SLC33A1: variants seen among roughly 807,000 people sequenced by gnomAD.
The protein encoded by SLC33A1 is acetyl-coenzyme A transporter 1.
Under a neutral mutation model 50.0 loss-of-function variants are expected in SLC33A1, and 20 were observed. The ratio of observed to expected loss-of-function variants is 0.40; its 90% CI spans 0.28 to 0.58. The LOEUF is 0.58. Ranked by LOEUF, SLC33A1 falls within the 20% of genes least tolerant of loss-of-function variation. SLC33A1 has a pLI of 0.44. For synonymous variants in SLC33A1, 265 were observed against 251.8 expected (o/e 1.05, Z -0.50); for missense variants, 476 against 657.0 (o/e 0.72, Z 3.01).
At chr3:155,831,712 A>C (rs1295901530) in intron 4 of SLC33A1, among the ~76,000 whole-genome samples, 1 of 152,112 alleles carries the variant, frequency 6.6e-6, no homozygotes, top group Admixed American at 6.6e-5. Flanking sequence ...TTGACTAGTT[A>C]AAGTATTTCT....
At chr3:155,830,255 C>A (rs918432313) in intron 4 of SLC33A1, among the ~76,000 whole-genome samples, 8 of 151,592 alleles carry the variant, frequency 5.3e-5, no homozygotes, top group African/African-American at 1.9e-4. Flanking sequence ...CGCCTGTAGT[C>A]CCAGCTACTT....
rs934692229 is a variant in SLC33A1, at chr3:155,821,762, G to A, written c.*6448C>T. ...ATTACAGACGTGAGCCACTGGACCC[G>A]GCCGCATTTTTTTTTTTTTTTTTTA... On this transcript the variant is annotated 3_prime_UTR_variant, in exon 6 of 6. Coordinates refer to ENST00000643144, the MANE Select transcript of SLC33A1 (RefSeq NM_004733.4). 2 of 138,894 alleles carry A rather than the reference G, an allele frequency of 1.4e-5. No homozygotes were observed. The highest frequency in any genetic ancestry group is 3.2e-5 in the African/African-American group (1 of 31,038). The allele number at this position is 138,894 out of a possible 1,614,324, so 8.6% of individuals were successfully genotyped here. A position where few individuals can be genotyped will look rare whatever the true frequency, so the allele number is the denominator to read the frequency against.
chr3:155,840,812 C>T (rs1752905036), intron 2 of SLC33A1, among the ~76,000 whole-genome samples: 1 of 151,822 alleles, frequency 6.6e-6, no homozygotes, highest in East Asian at 1.9e-4. Flanking sequence ...GAAACTCCAT[C>T]TCAAAATAAA....
chr3:155,845,018 T>C (rs1443361336), intron 1 of SLC33A1: 2 of 152,208 alleles, frequency 1.3e-5, no homozygotes, highest in African/African-American at 4.8e-5. Flanking sequence ...CGTACAATAC[T>C]ATTCTCATTG....
chr3:155,823,186 C>T lies in SLC33A1; in HGVS notation c.*5024G>A, dbSNP rs942555800. 1 of 152,202 alleles carries T rather than the reference C, an allele frequency of 6.6e-6. No individual in the cohort carries two copies. Among genetic ancestry groups the T allele is most frequent in the African/African-American group, 2.4e-5 (1 of 41,450 alleles). The allele number at this position is 152,202 out of a possible 1,614,324, so 9.4% of individuals were successfully genotyped here. A position where few individuals can be genotyped will look rare whatever the true frequency, so the allele number is the denominator to read the frequency against. ...TAGTCTGCCCTGCTATAAGACCTGC[C>T]TCTTCCAAAACAGAATTCCAATAAG... On this transcript the variant is annotated 3_prime_UTR_variant, in exon 6 of 6. Transcript: ENST00000643144.
At chr3:155,849,392 T>C (rs1013565726) in intron 1 of SLC33A1, among the ~76,000 whole-genome samples, 2 of 152,108 alleles carry the variant, frequency 1.3e-5, no homozygotes, top group African/African-American at 2.4e-5. Context: ...TCTTATCCTA[T>C]TAATAAGTTC....
At chr3:155,840,743 G>A (rs1239569134) in intron 2 of SLC33A1, among the ~76,000 whole-genome samples, 1 of 152,084 alleles carries the variant, frequency 6.6e-6, no homozygotes, top group Non-Finnish European at 1.5e-5. Context: ...GAACCCGGGA[G>A]GTGGAGGTTG....
In SLC33A1 at chr3:155,824,728, A is replaced by C. The variant is rs1752164334; in HGVS notation, c.*3482T>G. 6.6e-6 allele frequency: 1 copy of C among 152,122 alleles called. No individual in the cohort carries two copies. The allele number at this position is 152,122 out of a possible 1,614,324, so 9.4% of individuals were successfully genotyped here. A position where few individuals can be genotyped will look rare whatever the true frequency, so the allele number is the denominator to read the frequency against. On this transcript the variant is annotated 3_prime_UTR_variant, in exon 6 of 6. Coordinates refer to ENST00000643144, the MANE Select transcript of SLC33A1 (RefSeq NM_004733.4). ...ATGATTTTTGGATCATGGCCCATCC[A>C]AGATTTTACTCTGTTCAGAAAAAGA...
At chr3:155,835,970 C>A (rs1407679083) in intron 2 of SLC33A1, among the ~76,000 whole-genome samples, 1 of 151,874 alleles carries the variant, frequency 6.6e-6, no homozygotes, top group Non-Finnish European at 1.5e-5. Context: ...ACTTCAATAT[C>A]ACACAATTTT....
At chr3:155,846,664 G>A (rs1560021321) in intron 1 of SLC33A1, among the ~76,000 whole-genome samples, 1 of 151,694 alleles carries the variant, frequency 6.6e-6, no homozygotes, top group Non-Finnish European at 1.5e-5. Flanking sequence ...TGTTGGTCAG[G>A]CTGGTCTTGA....
In SLC33A1 at chr3:155,826,441, C is replaced by T. The variant is rs1752201302; in HGVS notation, c.*1769G>A. 6.6e-6 allele frequency: 1 copy of T among 150,880 alleles called. No homozygotes were observed. The highest frequency in any genetic ancestry group is 2.1e-4 in the South Asian group (1 of 4,778). 9.3% of individuals were successfully genotyped at this position (150,880 alleles called of 1,614,324 possible). On this transcript the variant is annotated 3_prime_UTR_variant, in exon 6 of 6. Transcript: ENST00000643144. ...AGTATATATAATTTGTAATAATATACACGGGAAGAAATAAAAGGTTATTAT... is the reference window on the plus strand; with the variant it reads ...AGTATATATAATTTGTAATAATATATACGGGAAGAAATAAAAGGTTATTAT...
Position 155,848,613 on chromosome 3 carries a change from T to C in SLC33A1, c.775+4610A>G, listed in dbSNP as rs547577927. Among the ~76,000 whole-genome samples the C allele has an allele frequency of 3.3e-5, 5 of 152,088 alleles. No homozygotes were observed. In the East Asian group the frequency reaches 5.8e-4, roughly 18 times the overall value. On this transcript the variant is annotated intron_variant, in intron 1 of 5. Coordinates refer to ENST00000643144, the MANE Select transcript of SLC33A1 (RefSeq NM_004733.4). ...AGGAGAATGGTGTGAACCCTGGAGG[T>C]GGAGCTTGCAGTGAGCAGAGATCGC...
intron 5 of SLC33A1, among the ~76,000 whole-genome samples, chr3:155,829,417 TG>T (rs1192201526): frequency 6.6e-6 from 1 of 152,168 alleles, no homozygotes; most frequent in Non-Finnish European, 1.5e-5. Flanking sequence ...ATTTATATAG[TG>T]CCTGCTGTGT....
chr3:155,844,212 C>T (rs1452642240), intron 1 of SLC33A1, among the ~76,000 whole-genome samples: 1 of 151,862 alleles, frequency 6.6e-6, no homozygotes, highest in Non-Finnish European at 1.5e-5. Context: ...ATATTCCTTT[C>T]TTATATGTTA....
chr3:155,827,934 G>A lies in SLC33A1; in HGVS notation c.*276C>T, dbSNP rs1260735030. The A allele has an allele frequency of 5.6e-6, 2 of 354,038 alleles. No homozygotes were observed. The highest frequency in any genetic ancestry group is 1.0e-5 in the Non-Finnish European group (2 of 190,552). The allele number at this position is 354,038 out of a possible 1,614,324, so 21.9% of individuals were successfully genotyped here. On this transcript the variant is annotated 3_prime_UTR_variant, in exon 6 of 6. Transcript: ENST00000643144. ...GCATTGCAGCTTAAAACATGCTTTG[G>A]TCAGTAAATTTAAAAGATATACATC...
Position 155,822,204 on chromosome 3 carries a change from G to A in SLC33A1, c.*6006C>T, listed in dbSNP as rs1281266302. ...AAAATTAAACTTTTCCAACATTTAA[G>A]ATCATTTCAAGGAAAATAAGAATAG... On this transcript the variant is annotated 3_prime_UTR_variant, in exon 6 of 6. Transcript: ENST00000643144. 2 of 152,066 alleles carry A rather than the reference G, an allele frequency of 1.3e-5. No homozygotes were observed. Among genetic ancestry groups the A allele is most frequent in the Non-Finnish European group, 2.9e-5 (2 of 68,022 alleles). The allele number at this position is 152,066 out of a possible 1,614,324, so 9.4% of individuals were successfully genotyped here.
At chr3:155,842,895 C>A (rs1223444202) in intron 1 of SLC33A1, 2 of 204,390 alleles carry the variant, frequency 9.8e-6, no homozygotes, top group Admixed American at 1.2e-4. Context: ...GTAGTCCCAG[C>A]CACCTGGGAG....
intron 1 of SLC33A1, chr3:155,844,857 G>C (rs533482243): frequency 6.6e-6 from 1 of 152,170 alleles, no homozygotes; most frequent in Admixed American, 6.6e-5. Context: ...ATCCTTATAA[G>C]TGAGGCTAAT....
At chr3:155,847,709 C>A (rs909804805) in intron 1 of SLC33A1, among the ~76,000 whole-genome samples, 28 of 152,008 alleles carry the variant, frequency 1.8e-4, no homozygotes, top group Admixed American at 6.6e-4. Flanking sequence ...GATCACGCCA[C>A]TGCACTCCAG....
Sources: allele counts gnomAD v4.1 joint callset (sites outside exome capture counted in the v4.1 genomes callset), GRCh38; gene constraint gnomAD v4.1.1; transcripts MANE v1.5; gene names NCBI Gene and HGNC (gene_info 2026-07-23, HGNC 2026-07-21).